The following ASB18 variants were observed in gnomAD, a reference collection of about 807,000 sequenced individuals.
ASB18 encodes the protein ankyrin repeat and SOCS box containing 18.
ASB18 carries 33 observed loss-of-function variants against 33.4 expected under a neutral mutation model. The ratio of observed to expected loss-of-function variants is 0.99; its 90% CI spans 0.75 to 1.32. ASB18 has a LOEUF of 1.32. Ranked by LOEUF, ASB18 falls within the 40% of genes most tolerant of loss-of-function variation. The probability of loss-of-function intolerance (pLI) is 0.00; values close to 1 mark genes in which losing one functional copy is unlikely to be tolerated. For synonymous variants in ASB18, 295 were observed against 307.6 expected, an observed-to-expected ratio of 0.96 and a Z score of 0.43; for missense variants, 694 against 655.5, an observed-to-expected ratio of 1.06 and a Z score of -0.64.
rs376567222 is a variant in ASB18 at position 236,194,987 on chromosome 2, C to T, written c.1286G>A (p.Arg429His). ...GCCAAACAGTCTGCGAAGAGCACAG[C>T]GGCAAAGATGCTGCAGGCAGCGTGG... ...LTPRCLQHLC[R>H]CALRRLFGKR... The change falls in exon 6 of 6, where the codon CGC becomes CAC. Residue 429 changes from arginine to histidine, a missense_variant. By Grantham distance (29) the Arg-to-His change is conservative. Coordinates refer to ENST00000409749, the MANE Select transcript of ASB18 (RefSeq NM_212556.4). The surrounding 1 kb of genome is among the most constrained non-coding windows in gnomAD (Gnocchi z 4.5). 2.6e-5 allele frequency: 42 copies of T among 1,613,736 alleles called. No homozygotes were observed. The highest frequency in any genetic ancestry group is 3.1e-5 in the Non-Finnish European group (37 of 1,179,852).
intron 4 of ASB18, among the ~76,000 whole-genome samples, chr2:236,212,179 T>G (rs916465234): frequency 6.6e-6 from 1 of 152,172 alleles, no homozygotes; most frequent in Admixed American, 6.5e-5. Flanking sequence ...ACAACAAATC[T>G]AAACCTACCC....
chr2:236,229,731 T>G lies in ASB18; in HGVS notation c.596+7958A>C, dbSNP rs1424918170. ...TGGCATGCACCTGTAATCCCAGCTA[T>G]CTGGGAGGCTGAGGCAGGAGAATCA... On this transcript the variant is annotated intron_variant, in intron 3 of 5. Coordinates refer to ENST00000409749, the MANE Select transcript of ASB18 (RefSeq NM_212556.4). The surrounding 1 kb of genome is among the most constrained non-coding windows in gnomAD (Gnocchi z 5.2). 6.6e-6 allele frequency among the ~76,000 whole-genome samples: 1 copy of G among 151,980 alleles called. No homozygotes were observed.
chr2:236,207,868 C>T (rs564130201), intron 4 of ASB18, among the ~76,000 whole-genome samples: 113 of 150,568 alleles, frequency 7.5e-4, no homozygotes, highest in African/African-American at 2.6e-3. Context: ...TGGAAACTTA[C>T]GGCCGTGCAG....
intron 3 of ASB18, among the ~76,000 whole-genome samples, chr2:236,236,441 C>T (rs1461438076): frequency 6.6e-6 from 1 of 152,118 alleles, no homozygotes; most frequent in Non-Finnish European, 1.5e-5. Context: ...TATCTGCCCT[C>T]CATGGACTGC....
Position 236,209,380 on chromosome 2 carries a change from C to T in ASB18, c.1101+4982G>A, listed in dbSNP as rs773954281. Among the ~76,000 whole-genome samples the T allele has an allele frequency of 1.3e-5, 2 of 151,696 alleles. No homozygotes were observed. The highest frequency in any genetic ancestry group is 2.4e-5 in the African/African-American group (1 of 41,244). On this transcript the variant is annotated intron_variant, in intron 4 of 5. Coordinates refer to ENST00000409749, the MANE Select transcript of ASB18 (RefSeq NM_212556.4). The surrounding 1 kb of genome is among the most constrained non-coding windows in gnomAD (Gnocchi z 4.4). The stretch of plus-strand genomic sequence containing the variant: ...TTCCACCCCCTGGGTTTAGGTAATC[C>T]TCCTGTCTCAGCCTCCTGAGTAACT...
chr2:236,212,237 G>T (rs1264914620), intron 4 of ASB18, among the ~76,000 whole-genome samples: 1 of 152,174 alleles, frequency 6.6e-6, no homozygotes, highest in Non-Finnish European at 1.5e-5. Context: ...CCCCATTTCT[G>T]TGTGGCTGAC....
intron 1 of ASB18, among the ~76,000 whole-genome samples, chr2:236,246,070 T>C (rs1325991762): frequency 6.6e-6 from 1 of 152,116 alleles, no homozygotes; most frequent in Non-Finnish European, 1.5e-5. Context: ...TAAGAAGACC[T>C]GGCCTGGCAC....
rs889920496 is a variant in ASB18, at chr2:236,250,376, C to A, written c.206-8974G>T. 1.3e-5 allele frequency: 2 copies of A among 152,224 alleles called. No homozygotes were observed. Among genetic ancestry groups the A allele is most frequent in the Non-Finnish European group, 2.9e-5 (2 of 68,038 alleles). The allele number at this position is 152,224 out of a possible 1,614,324, so 9.4% of individuals were successfully genotyped here. A position where few individuals can be genotyped will look rare whatever the true frequency, so the allele number is the denominator to read the frequency against. ...ATTTTCTCTTGTTCTTGGGGAATGG[C>A]AAATGTTCAGATTCTTTCCTAGGTC... On this transcript the variant is annotated intron_variant, in intron 1 of 5. Transcript: ENST00000409749. This position sits in a 1 kb window ranked among gnomAD's most constrained non-coding sequence, Gnocchi z 4.1.
rs568843005 is a variant in ASB18 at position 236,248,155 on chromosome 2, G to A, written c.206-6753C>T. ...AATGTGAACTGGAGAAATAATACAC[G>A]TGATGCCCCAACAGCAGTGGTTCAA... is the stretch of plus-strand genomic sequence containing the variant. On this transcript the variant is annotated intron_variant, in intron 1 of 5. Transcript: ENST00000409749. The surrounding 1 kb of genome is among the most constrained non-coding windows in gnomAD (Gnocchi z 4.9). 8 of 152,278 alleles carry A rather than the reference G, an allele frequency of 5.3e-5. No homozygotes were observed. Among genetic ancestry groups the A allele is most frequent in the East Asian group, 1.9e-4 (1 of 5,184 alleles). 9.4% of individuals were successfully genotyped at this position (152,278 alleles called of 1,614,324 possible).
At position 236,202,794 on chromosome 2, in the gene ASB18, AATATAT is replaced by A. The variant is rs35425799; in HGVS notation, c.1102-6415_1102-6410del. ...CTCCGTCTCAAAAAAAAAAAAAAAA[AATATAT>A]ATATATATATATATACACACACCTA... is the stretch of plus-strand genomic sequence containing the variant. On this transcript the variant is annotated intron_variant, in intron 4 of 5. Transcript: ENST00000409749. Among the ~76,000 whole-genome samples the A allele has an allele frequency of 5.4e-4, 63 of 117,682 alleles. 2 individuals carry two copies. The highest frequency in any genetic ancestry group is 1.8e-3 in the African/African-American group (49 of 27,022). The allele number at this position is 117,682 out of a possible 152,430, so 77.2% of individuals were successfully genotyped here.
chr2:236,255,435 C>T lies in ASB18; in HGVS notation c.205+8706G>A, dbSNP rs1176370348. Among the ~76,000 whole-genome samples, 1 of 152,156 alleles carries T rather than the reference C, an allele frequency of 6.6e-6. No homozygotes were observed. The highest frequency in any genetic ancestry group is 1.5e-5 in the Non-Finnish European group (1 of 68,030). The stretch of plus-strand genomic sequence containing the variant: ...CTGGGATTAGAGGTGTGAGCCACTG[C>T]GCCTGGCCTGGTATTTCTTTATCAC... On this transcript the variant is annotated intron_variant, in intron 1 of 5. Transcript: ENST00000409749. The surrounding 1 kb of genome is among the most constrained non-coding windows in gnomAD (Gnocchi z 4.4).
In ASB18 at chr2:236,209,588, C is replaced by A. The variant is rs993215485; in HGVS notation, c.1101+4774G>T. 1.3e-5 allele frequency among the ~76,000 whole-genome samples: 2 copies of A among 152,196 alleles called. No individual in the cohort carries two copies. Among genetic ancestry groups the A allele is most frequent in the African/African-American group, 2.4e-5 (1 of 41,442 alleles). On this transcript the variant is annotated intron_variant, in intron 4 of 5. Coordinates refer to ENST00000409749, the MANE Select transcript of ASB18 (RefSeq NM_212556.4). The surrounding 1 kb of genome is among the most constrained non-coding windows in gnomAD (Gnocchi z 4.4). Reference sequence around the variant, plus strand: ...CTAGAATCTGTTATTCTTGCACCAACCTCCATCCCCCATGCAAGCTATGTG... The same window carrying A: ...CTAGAATCTGTTATTCTTGCACCAAACTCCATCCCCCATGCAAGCTATGTG...
At position 236,264,318 on chromosome 2, in the gene ASB18, A is replaced by C. The variant is rs1387276977; in HGVS notation, c.28T>G (p.Tyr10Asp). Residue 10 changes from tyrosine to aspartate, a missense_variant, in exon 1 of 6, where the codon TAC (tyrosine) becomes GAC (aspartate). Tyr to Asp is a radical substitution (Grantham distance 160). Transcript: ENST00000409749. The surrounding 1 kb of genome is among the most constrained non-coding windows in gnomAD (Gnocchi z 5.1). ...TTCACTAAATCTGAGTTGAGTGGGT[A>C]GTCGGGAAGGTAATCCGAGTTGGAC... Reference protein sequence around the residue: MSNSDYLPDYPLNSDLVKRL... With the variant: MSNSDYLPDDPLNSDLVKRL... The C allele has an allele frequency of 8.7e-6, 14 of 1,612,938 alleles. No homozygotes were observed. The highest frequency in any genetic ancestry group is 1.2e-5 in the Non-Finnish European group (14 of 1,179,346).
chr2:236,198,620 C>T (rs2060385468), intron 4 of ASB18, among the ~76,000 whole-genome samples: 1 of 152,208 alleles, frequency 6.6e-6, no homozygotes, highest in African/African-American at 2.4e-5. Flanking sequence ...CCCACCTCAG[C>T]CTCCCAAAGT....
chr2:236,210,885 T>A (rs979141481), intron 4 of ASB18, among the ~76,000 whole-genome samples: 7 of 152,182 alleles, frequency 4.6e-5, no homozygotes, highest in Non-Finnish European at 7.3e-5. Flanking sequence ...GGAGCGGGGC[T>A]GGACTTACAT....
chr2:236,237,549 CAG>C lies in ASB18; in HGVS notation c.596+138_596+139del, dbSNP rs2060600248. 3 of 602,112 alleles carry C rather than the reference CAG, an allele frequency of 5.0e-6. No homozygotes were observed. Among genetic ancestry groups the C allele is most frequent in the South Asian group, 3.8e-5 (1 of 26,478 alleles). The allele number at this position is 602,112 out of a possible 1,614,324, so 37.3% of individuals were successfully genotyped here. A position where few individuals can be genotyped will look rare whatever the true frequency, so the allele number is the denominator to read the frequency against. ...GATGCGGGTCTGGGGATCCAGTGGG[CAG>C]AGTCAAGGGTGCAGGGTCTGGGTCC... On this transcript the variant is annotated intron_variant, in intron 3 of 5. Transcript: ENST00000409749. This position sits in a 1 kb window ranked among gnomAD's most constrained non-coding sequence, Gnocchi z 6.2.
In ASB18 at chr2:236,200,436, G is replaced by A. The variant is rs1433696691; in HGVS notation, c.1102-4051C>T. Among the ~76,000 whole-genome samples, 1 of 152,226 alleles carries A rather than the reference G, an allele frequency of 6.6e-6. No individual in the cohort carries two copies. The highest frequency in any genetic ancestry group is 6.5e-5 in the Admixed American group (1 of 15,284). On this transcript the variant is annotated intron_variant, in intron 4 of 5. Transcript: ENST00000409749. This position sits in a 1 kb window ranked among gnomAD's most constrained non-coding sequence, Gnocchi z 4.2. ...CTATTTAACCAGATGTGGGTACAAG[G>A]AAACTGACAAGGGTCAGGGCAGCAA...
Position 236,252,267 on chromosome 2 carries a change from TCACACACACACACACACACA to T in ASB18, c.206-10885_206-10866del, listed in dbSNP as rs113672805. 0.01 allele frequency among the ~76,000 whole-genome samples: 1,441 copies of T among 138,662 alleles called. 32 individuals are homozygous for T. Among genetic ancestry groups the T allele is most frequent in the African/African-American group, 0.035 (1,350 of 38,872 alleles). 91.0% of individuals were successfully genotyped at this position (138,662 alleles called of 152,430 possible). A position where few individuals can be genotyped will look rare whatever the true frequency, so the allele number is the denominator to read the frequency against. On this transcript the variant is annotated intron_variant, in intron 1 of 5. Coordinates refer to ENST00000409749, the MANE Select transcript of ASB18 (RefSeq NM_212556.4). The surrounding 1 kb of genome is among the most constrained non-coding windows in gnomAD (Gnocchi z 7.9). ...GCCTTGGCAACAGAGTGAGACTCCG[TCACACACACACACACACACA>T]CACACACACACACACACACACAGTA...
Position 236,245,615 on chromosome 2 carries a change from C to T in ASB18, c.206-4213G>A, listed in dbSNP as rs2060641149. ...TCATCCTCCAACACAGCTTAGCCTCCCTTGACCTCCAAGACCAGTCCTGAT... is the reference window on the plus strand; with the variant it reads ...TCATCCTCCAACACAGCTTAGCCTCTCTTGACCTCCAAGACCAGTCCTGAT... On this transcript the variant is annotated intron_variant, in intron 1 of 5. Coordinates refer to ENST00000409749, the MANE Select transcript of ASB18 (RefSeq NM_212556.4). The surrounding 1 kb of genome is among the most constrained non-coding windows in gnomAD (Gnocchi z 4.7). 6.6e-6 allele frequency among the ~76,000 whole-genome samples: 1 copy of T among 152,192 alleles called. No individual in the cohort carries two copies. Among genetic ancestry groups the T allele is most frequent in the South Asian group, 2.1e-4 (1 of 4,830 alleles).
Sources: allele counts gnomAD v4.1 joint callset (sites outside exome capture counted in the v4.1 genomes callset), GRCh38; gene constraint gnomAD v4.1.1; non-coding constraint Gnocchi (gnomAD v3.1); transcripts MANE v1.5; gene names NCBI Gene and HGNC (gene_info 2026-07-23, HGNC 2026-07-21).